Variants in ARSJ observed in about 807,000 individuals in gnomAD.
ARSJ encodes arylsulfatase J.
In ARSJ, 26 loss-of-function variants were observed where a neutral mutation model predicts 35.9. The ratio of observed to expected loss-of-function variants is 0.72; its 90% CI spans 0.53 to 1.00. The LOEUF (loss-of-function observed/expected upper bound fraction) is 1.00. ARSJ is among the 50% of genes least tolerant of loss of function. ARSJ has a pLI of 0.00. For synonymous variants in ARSJ, 294 were observed against 267.6 expected (o/e 1.10, Z -0.96); for missense variants, 667 against 723.6 (o/e 0.92, Z 0.90).
intron 1 of ARSJ, among the ~76,000 whole-genome samples, chr4:113,915,855 T>C (rs895491164): frequency 3.9e-5 from 6 of 152,326 alleles, no homozygotes; most frequent in African/African-American, 1.4e-4. Flanking sequence ...GATCATATTT[T>C]TGTTCCCAGA....
rs756542116 is a variant in ARSJ, at chr4:113,903,551, C to T, written c.523G>A (p.Gly175Arg). 16 of 1,614,118 alleles carry T rather than the reference C, an allele frequency of 9.9e-6. No homozygotes were observed. Among genetic ancestry groups the T allele is most frequent in the East Asian group, 4.5e-5 (2 of 44,878 alleles). Residue 175 changes from glycine (G) to arginine (R), a missense_variant, in exon 2 of 2, where the codon GGA (glycine) becomes AGA (arginine). Physicochemically the swap from Gly to Arg is moderately radical, Grantham distance 125 (BLOSUM62 -2). Transcript: ENST00000315366. ...KEVGYSTHMV[G>R]KWHLGFYRKE... ...CTGTAAAAACCCAAGTGCCATTTTC[C>T]GACCATATGCGTTGAATATCCAACC...
chr4:113,971,310 A>T (rs1345412413), intron 1 of ARSJ, among the ~76,000 whole-genome samples: 1 of 152,216 alleles, frequency 6.6e-6, no homozygotes, highest in Non-Finnish European at 1.5e-5. Flanking sequence ...GATTTCTAAG[A>T]GTTGTCATTT....
intron 1 of ARSJ, among the ~76,000 whole-genome samples, chr4:113,948,492 T>G (rs1222463248): frequency 6.6e-6 from 1 of 152,142 alleles, no homozygotes; most frequent in Non-Finnish European, 1.5e-5. Context: ...TTTTACAGTA[T>G]CTAGGCAGCT....
intron 1 of ARSJ, among the ~76,000 whole-genome samples, chr4:113,927,780 G>C (rs1277638149): frequency 6.6e-6 from 1 of 152,072 alleles, no homozygotes; most frequent in Non-Finnish European, 1.5e-5. Context: ...TGGAAGAGTT[G>C]AATGGGGATG....
chr4:113,944,815 T>G (rs1164222212), intron 1 of ARSJ, among the ~76,000 whole-genome samples: 1 of 152,086 alleles, frequency 6.6e-6, no homozygotes, highest in Non-Finnish European at 1.5e-5. Context: ...AGTCCTAACA[T>G]TATATTTTGT....
At chr4:113,973,919 A>G (rs7656922) in intron 1 of ARSJ, among the ~76,000 whole-genome samples, 63 of 152,342 alleles carry the variant, frequency 4.1e-4, no homozygotes, top group African/African-American at 1.5e-3. Flanking sequence ...TTAAGAGAAC[A>G]TAGCATTGAC....
chr4:113,952,009 T>C (rs1323040813), intron 1 of ARSJ, among the ~76,000 whole-genome samples: 1 of 152,096 alleles, frequency 6.6e-6, no homozygotes, highest in Non-Finnish European at 1.5e-5. Context: ...AACTGAGACA[T>C]AGCATATGTA....
chr4:113,935,689 A>G (rs1464933077), intron 1 of ARSJ, among the ~76,000 whole-genome samples: 1 of 151,946 alleles, frequency 6.6e-6, no homozygotes, highest in Admixed American at 6.6e-5. Flanking sequence ...TTTTGTGTAT[A>G]TGTATGTCCA....
intron 1 of ARSJ, among the ~76,000 whole-genome samples, chr4:113,914,353 T>C (rs999723733): frequency 2.6e-5 from 4 of 152,178 alleles, no homozygotes; most frequent in Non-Finnish European, 5.9e-5. Context: ...GTTATCCTAA[T>C]ATGGACAGGA....
At chr4:113,941,594 A>G (rs1725163423) in intron 1 of ARSJ, among the ~76,000 whole-genome samples, 1 of 152,016 alleles carries the variant, frequency 6.6e-6, no homozygotes, top group Admixed American at 6.6e-5. Context: ...AAATTACAAA[A>G]TGTCATTTAA....
chr4:113,914,124 C>A (rs1003516415), intron 1 of ARSJ, among the ~76,000 whole-genome samples: 1 of 152,046 alleles, frequency 6.6e-6, no homozygotes, highest in Non-Finnish European at 1.5e-5. Context: ...CAGGCACCCA[C>A]CACCACGCCC....
Position 113,902,010 on chromosome 4 carries a change from G to T in ARSJ, c.*264C>A. On this transcript the variant is annotated 3_prime_UTR_variant, in exon 2 of 2. Coordinates refer to ENST00000315366, the MANE Select transcript of ARSJ (RefSeq NM_024590.4). ...ACTGAAGCACAGCAGTGGAACTCAG[G>T]ACTCACCACGTTTTCTAAAGGAGCA... 1 of 948,218 alleles carries T rather than the reference G, an allele frequency of 1.1e-6. No homozygotes were observed. The highest frequency in any genetic ancestry group is 1.5e-6 in the Non-Finnish European group (1 of 666,494). The allele number at this position is 948,218 out of a possible 1,614,324, so 58.7% of individuals were successfully genotyped here.
chr4:113,957,685 T>C (rs1446611885), intron 1 of ARSJ, among the ~76,000 whole-genome samples: 1 of 152,112 alleles, frequency 6.6e-6, no homozygotes, highest in East Asian at 1.9e-4. Context: ...TTGAACACAA[T>C]GATTTTCTTC....
At chr4:113,934,698 C>G (rs1433045524) in intron 1 of ARSJ, among the ~76,000 whole-genome samples, 1 of 151,480 alleles carries the variant, frequency 6.6e-6, no homozygotes, top group Non-Finnish European at 1.5e-5. Context: ...TCCCATTTAC[C>G]TTGATTGGAT....
chr4:113,949,150 T>C (rs1008308253), intron 1 of ARSJ, among the ~76,000 whole-genome samples: 1 of 131,126 alleles, frequency 7.6e-6, no homozygotes, highest in Non-Finnish European at 1.6e-5. Flanking sequence ...TGAGAACATA[T>C]GGGCACAGGG....
At chr4:113,904,086 A>ATT (rs10607935) in intron 1 of ARSJ, among the ~76,000 whole-genome samples, 1 of 149,282 alleles carries the variant, frequency 6.7e-6, no homozygotes, top group Non-Finnish European at 1.5e-5. Flanking sequence ...ACATGCCCAG[A>ATT]TTTTTTTTTT....
chr4:113,903,394 T>C lies in ARSJ; in HGVS notation c.680A>G (p.Asn227Ser). The C allele has an allele frequency of 6.2e-7, 1 of 1,614,156 alleles. No homozygotes were observed. Among genetic ancestry groups the C allele is most frequent in the East Asian group, 2.2e-5 (1 of 44,894 alleles). ...GCCATTGTCATAGTCCCAGGCAGCA[T>C]TGTCGTTTTCATACAAGTCATAGCC... is the stretch of plus-strand genomic sequence containing the variant. The part of the protein sequence containing the change: ...MCGYDLYEND[N>S]AAWDYDNGIY... Residue 227 changes from asparagine to serine, a missense_variant, in exon 2 of 2, where the codon AAT (asparagine) becomes AGT (serine). Coordinates refer to ENST00000315366, the MANE Select transcript of ARSJ (RefSeq NM_024590.4).
chr4:113,902,829 TC>T lies in ARSJ; in HGVS notation c.1244del (p.Arg415GlnfsTer2), dbSNP rs765083074. ...GGTCAATGTTATGCAAAATATCTAC[TC>T]GGGGTGAGCGAAGACCCTCACTTAT... ...ETISEGLRSP[R>X]VDILHNIDPI... On this transcript the variant is annotated frameshift_variant, in exon 2 of 2. Transcript: ENST00000315366. LOFTEE classifies it high-confidence loss of function. 1 of 1,614,134 alleles carries T rather than the reference TC, an allele frequency of 6.2e-7. No individual in the cohort carries two copies. Among genetic ancestry groups the T allele is most frequent in the Admixed American group, 1.7e-5 (1 of 60,010 alleles).
chr4:113,908,436 C>T (rs961858344), intron 1 of ARSJ, among the ~76,000 whole-genome samples: 2 of 152,136 alleles, frequency 1.3e-5, no homozygotes, highest in African/African-American at 4.8e-5. Context: ...GAAAATCTAA[C>T]TGGGATAAAT....
Sources: allele counts gnomAD v4.1 joint callset (sites outside exome capture counted in the v4.1 genomes callset), GRCh38; gene constraint gnomAD v4.1.1; transcripts MANE v1.5; gene names NCBI Gene and HGNC (gene_info 2026-07-23, HGNC 2026-07-21).